The following CLNK variants were observed in gnomAD, a reference collection of about 807,000 sequenced individuals.
CLNK encodes cytokine dependent hematopoietic cell linker.
A neutral mutation model predicts 68.6 loss-of-function variants in CLNK; 74 were observed. That is an observed-to-expected ratio of 1.08 (90% CI 0.89 to 1.31). The LOEUF (loss-of-function observed/expected upper bound fraction) is 1.31. Ranked by LOEUF, CLNK falls within the 50% of genes most tolerant of loss-of-function variation. The pLI is 0.00. For missense variants in CLNK, 553 were observed against 515.3 expected (o/e 1.07, Z -0.71); for synonymous variants, 198 against 172.2 (o/e 1.15, Z -1.17).
At chr4:10,706,189 A>G in the CLNK span, among the ~76,000 whole-genome samples, 15,665 of 152,276 alleles carry the variant, frequency 0.1, 923 homozygotes, top group South Asian at 0.22. Flanking sequence ...CACCTGTCTC[A>G]GCAGCTCAGA....
At position 10,490,560 on chromosome 4, in the gene CLNK, T is replaced by C. The variant is rs1241861836; in HGVS notation, c.1194A>G (p.Ile398Met). 2 of 1,597,456 alleles carry C rather than the reference T, an allele frequency of 1.3e-6. No individual in the cohort carries two copies. Among genetic ancestry groups the C allele is most frequent in the Non-Finnish European group, 1.7e-6 (2 of 1,171,082 alleles). ...IIEHYKNFPI[I>M]LIDGKDKTGV... ...CAGTTTTATCTTTCCCATCAATTAG[T>C]ATAATGGGAAAATTCTTGTAGTGTT... The change falls in exon 19 of 19, where the codon ATA (isoleucine) becomes ATG (methionine). Residue 398 changes from isoleucine to methionine, a missense_variant. Ile to Met is a conservative substitution (Grantham distance 10). Coordinates refer to ENST00000226951, the MANE Select transcript of CLNK (RefSeq NM_052964.4).
intron 14 of CLNK, among the ~76,000 whole-genome samples, chr4:10,525,548 T>C (rs1397694352): frequency 6.6e-6 from 1 of 152,200 alleles, no homozygotes; most frequent in Non-Finnish European, 1.5e-5. Context: ...ACAACAAACT[T>C]TTCCTCCCAG....
the CLNK span, among the ~76,000 whole-genome samples, chr4:10,730,376 T>G: frequency 6.6e-6 from 1 of 152,252 alleles, no homozygotes; most frequent in South Asian, 2.1e-4. Flanking sequence ...CAAGTCGTAC[T>G]GATTGTGCTC....
intron 18 of CLNK, among the ~76,000 whole-genome samples, chr4:10,491,012 G>A (rs1353782981): frequency 5.9e-5 from 9 of 152,154 alleles, no homozygotes; most frequent in Non-Finnish European, 1.2e-4. Context: ...TGATCCACCC[G>A]CCTCGGCATC....
Position 10,488,210 on chromosome 4 carries a change from C to T in CLNK, c.*2257G>A, listed in dbSNP as rs557898971. ...ATATGTTGTATTTGTGAACAAGAGACGATAAAATATTATTTCAAACGTACA... is the reference window on the plus strand; with the variant it reads ...ATATGTTGTATTTGTGAACAAGAGATGATAAAATATTATTTCAAACGTACA... On this transcript the variant is annotated 3_prime_UTR_variant, in exon 19 of 19. Transcript: ENST00000226951. 14 of 152,156 alleles carry T rather than the reference C, an allele frequency of 9.2e-5. No individual in the cohort carries two copies. The highest frequency in any genetic ancestry group is 5.2e-4 in the Admixed American group (8 of 15,276). The allele number at this position is 152,156 out of a possible 1,614,324, so 9.4% of individuals were successfully genotyped here.
At chr4:10,517,853 G>C (rs1053326787) in intron 15 of CLNK, among the ~76,000 whole-genome samples, 81 of 152,174 alleles carry the variant, frequency 5.3e-4, no homozygotes, top group African/African-American at 1.7e-3. Flanking sequence ...ACAGAGCAAA[G>C]AAACAAGAAG....
At chr4:10,667,369 G>T (rs1351126778) in intron 2 of CLNK, among the ~76,000 whole-genome samples, 2 of 98,950 alleles carry the variant, frequency 2.0e-5, no homozygotes, top group African/African-American at 3.6e-5. Flanking sequence ...TTTGAGTCCT[G>T]CTAATTTTTT....
chr4:10,685,307 A>G (rs1034038865), upstream of CLNK, among the ~76,000 whole-genome samples: 5 of 152,162 alleles, frequency 3.3e-5, no homozygotes, highest in South Asian at 6.2e-4. Context: ...TGTATTTTAG[A>G]AACTTTTTTA....
chr4:10,541,222 C>CAAAAAAAAAAAAAAAAAAA (rs200738466), intron 10 of CLNK, among the ~76,000 whole-genome samples: 1 of 38,388 alleles, frequency 2.6e-5, no homozygotes. Context: ...AAAAAAAAAA[C>CAAAAAAAAAAAAAAAAAAA]AAAAAAAAAA....
chr4:10,612,685 T>A (rs977433845), intron 2 of CLNK, among the ~76,000 whole-genome samples: 1 of 152,192 alleles, frequency 6.6e-6, no homozygotes, highest in African/African-American at 2.4e-5. Flanking sequence ...TGATTTCCCA[T>A]GCTGATGAGC....
intron 2 of CLNK, among the ~76,000 whole-genome samples, chr4:10,665,505 A>G (rs1195994907): frequency 1.3e-5 from 2 of 151,996 alleles, no homozygotes; most frequent in African/African-American, 4.8e-5. Context: ...CTCTACTAAA[A>G]ATAGAAAAAT....
At chr4:10,658,264 C>T (rs1470259625) in intron 2 of CLNK, among the ~76,000 whole-genome samples, 1 of 152,208 alleles carries the variant, frequency 6.6e-6, no homozygotes, top group Non-Finnish European at 1.5e-5. Flanking sequence ...AATGAATGTT[C>T]TTCATGGTGG....
intron 2 of CLNK, among the ~76,000 whole-genome samples, chr4:10,610,513 C>T (rs1388395727): frequency 2.6e-5 from 4 of 152,002 alleles, no homozygotes; most frequent in African/African-American, 9.7e-5. Flanking sequence ...AATTTTGATT[C>T]AGCAAGAGGA....
intron 8 of CLNK, 42 bp from the exon 9 acceptor site, chr4:10,542,322 T>C (rs972940005): frequency 2.2e-6 from 3 of 1,351,030 alleles, no homozygotes; most frequent in Non-Finnish European, 3.1e-6. Context: ...ATGGAAAATG[T>C]CATCAAGCAT....
intron 8 of CLNK, among the ~76,000 whole-genome samples, chr4:10,546,192 C>T (rs1341143069): frequency 6.6e-6 from 1 of 152,160 alleles, no homozygotes; most frequent in Non-Finnish European, 1.5e-5. Context: ...AAGACTTTTT[C>T]TCTATGTGGC....
intron 16 of CLNK, among the ~76,000 whole-genome samples, chr4:10,511,115 C>T (rs1717563246): frequency 6.6e-6 from 1 of 152,052 alleles, no homozygotes; most frequent in South Asian, 2.1e-4. Flanking sequence ...CTGAGATTGC[C>T]CCATGGCACT....
At chr4:10,659,341 A>T (rs1724102679) in intron 2 of CLNK, among the ~76,000 whole-genome samples, 1 of 152,244 alleles carries the variant, frequency 6.6e-6, no homozygotes, top group Non-Finnish European at 1.5e-5. Context: ...CACTGTATAC[A>T]TTAAGTCGCT....
intron 7 of CLNK, among the ~76,000 whole-genome samples, chr4:10,559,503 C>T (rs117705129): frequency 9.9e-5 from 15 of 152,172 alleles, no homozygotes; most frequent in East Asian, 9.7e-4. Context: ...TTCTTGTGCA[C>T]GCTCATCTTT....
rs186669489 is a variant in CLNK at position 10,556,739 on chromosome 4, T to C, written c.445+1668A>G. Among the ~76,000 whole-genome samples the C allele has an allele frequency of 3.9e-5, 6 of 152,238 alleles. No individual in the cohort carries two copies. In the East Asian group the frequency reaches 9.7e-4, roughly 25 times the overall value. On this transcript the variant is annotated intron_variant, in intron 8 of 18. Coordinates refer to ENST00000226951, the MANE Select transcript of CLNK (RefSeq NM_052964.4). ...TCTGTTAAGAGGAGTGAAAATACTTTCTCTACATAATTCACCAGGTGGTGA... is the reference window on the plus strand; with the variant it reads ...TCTGTTAAGAGGAGTGAAAATACTTCCTCTACATAATTCACCAGGTGGTGA...
Sources: allele counts gnomAD v4.1 joint callset (sites outside exome capture counted in the v4.1 genomes callset), GRCh38; gene constraint gnomAD v4.1.1; transcripts MANE v1.5; gene names NCBI Gene and HGNC (gene_info 2026-07-23, HGNC 2026-07-21).